Variants in TVP23B observed in about 807,000 individuals in gnomAD.
The protein encoded by TVP23B is Golgi apparatus membrane protein TVP23 homolog B.
A neutral mutation model predicts 30.6 loss-of-function variants in TVP23B; 10 were observed. The observed-to-expected ratio is 0.33, with a 90% CI of 0.20 to 0.55. The LOEUF (loss-of-function observed/expected upper bound fraction) is 0.55. Among genes scored for constraint, TVP23B ranks in the 20% least tolerant of loss-of-function variants. The pLI is 0.91. For synonymous variants in TVP23B, 67 were observed against 83.1 expected (o/e 0.81, Z 1.06); for missense variants, 153 against 243.2 (o/e 0.63, Z 2.47).
intron 1 of TVP23B, among the ~76,000 whole-genome samples, chr17:18,784,901 T>C (rs1053385623): frequency 3.3e-5 from 5 of 152,212 alleles, no homozygotes; most frequent in African/African-American, 1.2e-4. Flanking sequence ...TTTTTAGTTG[T>C]TCAGGACAAA....
intron 4 of TVP23B, among the ~76,000 whole-genome samples, chr17:18,798,057 AG>A (rs2036102172): frequency 2.0e-5 from 3 of 150,940 alleles, no homozygotes; most frequent in Non-Finnish European, 4.5e-5. Flanking sequence ...ATTTCTGGGC[AG>A]GAAAAAGGAG....
chr17:18,799,392 T>C (rs2036123480), intron 5 of TVP23B, among the ~76,000 whole-genome samples: 1 of 151,930 alleles, frequency 6.6e-6, no homozygotes, highest in South Asian at 2.1e-4. Flanking sequence ...TCCCATGGCC[T>C]CTCCACATGT....
chr17:18,783,980 AC>A (rs1288583684), intron 1 of TVP23B, among the ~76,000 whole-genome samples: 2 of 152,048 alleles, frequency 1.3e-5, no homozygotes, highest in African/African-American at 4.8e-5. Flanking sequence ...CCCCGTCTGT[AC>A]TAAAAAACAA....
intron 3 of TVP23B, chr17:18,796,486 T>C (rs555166532): frequency 1.3e-5 from 2 of 152,376 alleles, no homozygotes; most frequent in South Asian, 4.1e-4. Context: ...GAGGTTGCGG[T>C]GAGCTGAGAT....
In TVP23B at chr17:18,804,303, AT is replaced by A. The variant is rs1475703899; in HGVS notation, c.591+39del. On this transcript the variant is annotated intron_variant, in intron 6 of 6. Transcript: ENST00000307767. ...CTGGATGTGATCAGTGACTAATGCA[AT>A]TATTTCTAACTTTCATAGTTTAATT... is the stretch of plus-strand genomic sequence containing the variant. 5 of 1,577,080 alleles carry A rather than the reference AT, an allele frequency of 3.2e-6. No homozygotes were observed. In the African/African-American group the frequency reaches 7.0e-5, roughly 22 times the overall value.
chr17:18,806,039 TAA>T lies in TVP23B; in HGVS notation c.*473_*474del, dbSNP rs1334661188. ...AAGAGTGAGCACTTTGGCTTATGTA[TAA>T]GTTAGAAATAATTGTTAGTTTTTAA... On this transcript the variant is annotated 3_prime_UTR_variant, in exon 7 of 7. Transcript: ENST00000307767. The T allele has an allele frequency of 1.0e-6, 1 of 975,858 alleles. No homozygotes were observed. The highest frequency in any genetic ancestry group is 1.2e-6 in the Non-Finnish European group (1 of 821,140). 60.4% of individuals were successfully genotyped at this position (975,858 alleles called of 1,614,324 possible).
chr17:18,783,950 TC>T (rs2035856702), intron 1 of TVP23B, among the ~76,000 whole-genome samples: 1 of 151,988 alleles, frequency 6.6e-6, no homozygotes, highest in African/African-American at 2.4e-5. Context: ...ATCGAGACCA[TC>T]CTGGCTAACA....
chr17:18,791,110 A>G, intron 3 of TVP23B, 70 bp downstream of exon 3: 1 of 1,442,362 alleles, frequency 6.9e-7, no homozygotes, highest in Non-Finnish European at 9.1e-7. Context: ...ATGAGTTAGC[A>G]TTTTGCATTA....
intron 5 of TVP23B, among the ~76,000 whole-genome samples, chr17:18,801,293 C>A (rs1448189038): frequency 1.3e-5 from 2 of 152,092 alleles, no homozygotes; most frequent in African/African-American, 4.8e-5. Flanking sequence ...CACCTATCTT[C>A]TGTATACTAT....
intron 5 of TVP23B, among the ~76,000 whole-genome samples, chr17:18,800,555 A>G (rs932247192): frequency 1.3e-5 from 2 of 151,668 alleles, no homozygotes; most frequent in African/African-American, 4.8e-5. Flanking sequence ...ATGCTATTCC[A>G]TCATTTTCTT....
intron 5 of TVP23B, chr17:18,799,243 C>T (rs1426981077): frequency 7.3e-6 from 1 of 137,374 alleles, no homozygotes; most frequent in African/African-American, 2.8e-5. Context: ...AGAGCAACAA[C>T]AGCCATTATC....
chr17:18,804,240 T>C lies in TVP23B; in HGVS notation c.565T>C (p.Tyr189His). 6.2e-7 allele frequency: 1 copy of C among 1,606,216 alleles called. No individual in the cohort carries two copies. Among genetic ancestry groups the C allele is most frequent in the Non-Finnish European group, 8.5e-7 (1 of 1,174,922 alleles). ...RKHLTSMATSYFGKQFLRQNT... is the reference protein window; with the variant it reads ...RKHLTSMATSHFGKQFLRQNT... ...GCATTTAACCAGCATGGCTACTTCA[T>C]ATTTTGGAAAGCAGTTTTTAAGACA... The change falls in exon 6 of 7, where the codon TAT (tyrosine) becomes CAT (histidine). Residue 189 changes from tyrosine to histidine, a missense_variant. Coordinates refer to ENST00000307767, the MANE Select transcript of TVP23B (RefSeq NM_016078.6).
In TVP23B at chr17:18,781,374, G is replaced by C. The variant is rs1281831315; in HGVS notation, c.12+69G>C. The C allele has an allele frequency of 4.5e-6, 7 of 1,542,156 alleles. No individual in the cohort carries two copies. In the Admixed American group the frequency reaches 1.4e-4, roughly 31 times the overall value. ...CTGGCTCTGCAGGTTCCGTGGGACT[G>C]GAGCCCGCGTCCCCCGCGCCCGCTA... On this transcript the variant is annotated intron_variant, in intron 1 of 6. Coordinates refer to ENST00000307767, the MANE Select transcript of TVP23B (RefSeq NM_016078.6).
Position 18,806,164 on chromosome 17 carries a change from G to C in TVP23B, c.*597G>C, listed in dbSNP as rs1381462369. ...ACTTTATAAAATTTTATTTTTGTTT[G>C]TAAGAAGTCATCTATTTAAGGCCCA... On this transcript the variant is annotated 3_prime_UTR_variant, in exon 7 of 7. Transcript: ENST00000307767. The C allele has an allele frequency of 1.1e-6, 1 of 884,820 alleles. No individual in the cohort carries two copies. The highest frequency in any genetic ancestry group is 1.8e-5 in the African/African-American group (1 of 55,256). 54.8% of individuals were successfully genotyped at this position (884,820 alleles called of 1,614,324 possible).
At chr17:18,798,184 A>G (rs566138988) in intron 4 of TVP23B, among the ~76,000 whole-genome samples, 69 of 152,268 alleles carry the variant, frequency 4.5e-4, no homozygotes, top group African/African-American at 1.4e-3. Context: ...TATAGTGAAT[A>G]TTCACTTTCC....
chr17:18,784,403 T>C (rs2035868706), intron 1 of TVP23B, among the ~76,000 whole-genome samples: 1 of 152,084 alleles, frequency 6.6e-6, no homozygotes, highest in Non-Finnish European at 1.5e-5. Context: ...TCCCAGCACT[T>C]TGGGAGGCCA....
At chr17:18,795,898 A>G (rs1055134826) in intron 3 of TVP23B, 6 of 151,736 alleles carry the variant, frequency 4.0e-5, no homozygotes, top group Non-Finnish European at 5.9e-5. Context: ...AAGCATTATC[A>G]TAGGTATGTA....
chr17:18,794,974 T>G (rs1195292822), intron 3 of TVP23B, among the ~76,000 whole-genome samples: 1 of 151,550 alleles, frequency 6.6e-6, no homozygotes, highest in African/African-American at 2.4e-5. Context: ...TCCATGTGTC[T>G]TCTTGACGTT....
chr17:18,806,145 T>C lies in TVP23B; in HGVS notation c.*578T>C, dbSNP rs1002465670. On this transcript the variant is annotated 3_prime_UTR_variant, in exon 7 of 7. Coordinates refer to ENST00000307767, the MANE Select transcript of TVP23B (RefSeq NM_016078.6). ...AGGGCCAGTGGTATTAACTACTTTA[T>C]AAAATTTTATTTTTGTTTGTAAGAA... The C allele has an allele frequency of 8.8e-6, 8 of 906,410 alleles. No homozygotes were observed. The highest frequency in any genetic ancestry group is 1.1e-5 in the Non-Finnish European group (8 of 758,018). The allele number at this position is 906,410 out of a possible 1,614,324, so 56.1% of individuals were successfully genotyped here.
Sources: gnomAD v4.1 joint callset for allele counts (sites outside exome capture counted in the v4.1 genomes callset) on GRCh38, gnomAD v4.1.1 for gene constraint, MANE v1.5 for transcripts, NCBI Gene and HGNC (gene_info 2026-07-23, HGNC 2026-07-21) for gene names.